IGF1R: variants seen among roughly 807,000 people sequenced by gnomAD.
IGF1R encodes the protein insulin like growth factor 1 receptor.
IGF1R carries 44 observed loss-of-function variants against 144.6 expected under a neutral mutation model. The observed-to-expected ratio is 0.30, with a 90% CI of 0.24 to 0.39. IGF1R has a LOEUF of 0.39. Among genes scored for constraint, IGF1R ranks in the 10% least tolerant of loss-of-function variants. The pLI, the probability that IGF1R is intolerant of heterozygous loss-of-function variation, is 1.00. For missense variants in IGF1R, 1,355 were observed against 1,833.7 expected (o/e 0.74, Z 4.77); for synonymous variants, 795 against 722.8 (o/e 1.10, Z -1.60).
chr15:98,841,618 G>C (rs1041332271), intron 2 of IGF1R, among the ~76,000 whole-genome samples: 3 of 152,124 alleles, frequency 2.0e-5, no homozygotes, highest in African/African-American at 7.2e-5. Flanking sequence ...ATCCTGACTG[G>C]GTACTCTGCC....
chr15:98,726,088 T>C (rs556500661), intron 2 of IGF1R, among the ~76,000 whole-genome samples: 1 of 152,218 alleles, frequency 6.6e-6, no homozygotes, highest in Non-Finnish European at 1.5e-5. Flanking sequence ...CACTGAACAA[T>C]GACTAGGTGC....
chr15:98,747,390 G>T (rs1201450119), intron 2 of IGF1R, among the ~76,000 whole-genome samples: 1 of 152,072 alleles, frequency 6.6e-6, no homozygotes, highest in African/African-American at 2.4e-5. Context: ...TAGAGACAGG[G>T]TTTCACTATG....
At chr15:98,808,565 G>A (rs375932768) in intron 2 of IGF1R, among the ~76,000 whole-genome samples, 10 of 152,260 alleles carry the variant, frequency 6.6e-5, no homozygotes, top group African/African-American at 1.9e-4. Flanking sequence ...AGGATTTTCG[G>A]TGCTGGAGCC....
At chr15:98,928,869 T>C (rs2015830144) in intron 13 of IGF1R, among the ~76,000 whole-genome samples, 1 of 152,088 alleles carries the variant, frequency 6.6e-6, no homozygotes, top group Non-Finnish European at 1.5e-5. Context: ...AGGACTCAAA[T>C]GTCTGCAGCG....
chr15:98,875,099 C>T (rs2012987588), intron 2 of IGF1R, among the ~76,000 whole-genome samples: 1 of 152,190 alleles, frequency 6.6e-6, no homozygotes, highest in Admixed American at 6.5e-5. Context: ...AGCTTCTGCC[C>T]TCTGGCCTGC....
Position 98,649,525 on chromosome 15 carries a change from CTTTTTTTTTTTTTTTT to C in IGF1R, c.-48_-33del. On this transcript the variant is annotated 5_prime_UTR_variant, in exon 1 of 21. Transcript: ENST00000650285. ...TCATTTCCTTTTTTTCTTTTCTTTT[CTTTTTTTTTTTTTTTT>C]TTTTTTTTGAGAAAGGGGAATTTCA... The C allele has an allele frequency of 1.4e-6, 1 of 723,790 alleles. No individual in the cohort carries two copies. The highest frequency in any genetic ancestry group is 2.2e-6 in the Non-Finnish European group (1 of 456,618). 44.8% of individuals were successfully genotyped at this position (723,790 alleles called of 1,614,324 possible). A position where few individuals can be genotyped will look rare whatever the true frequency, so the allele number is the denominator to read the frequency against.
chr15:98,649,801 T>A, intron 1 of IGF1R, 126 bp downstream of exon 1: 1 of 703,478 alleles, frequency 1.4e-6, no homozygotes, highest in Non-Finnish European at 2.4e-6. Context: ...AGCGGCGGGG[T>A]GGGGCGCAGG....
chr15:98,687,263 A>G (rs1454476644), intron 1 of IGF1R, among the ~76,000 whole-genome samples: 2 of 152,076 alleles, frequency 1.3e-5, no homozygotes, highest in Non-Finnish European at 2.9e-5. Flanking sequence ...AACTTAAGAG[A>G]AATGAGTGCA....
chr15:98,759,876 T>G (rs1418096117), intron 2 of IGF1R, among the ~76,000 whole-genome samples: 1 of 152,182 alleles, frequency 6.6e-6, no homozygotes, highest in East Asian at 1.9e-4. Context: ...TTTTGCTAGT[T>G]TTTAATTTCT....
At chr15:98,780,974 T>C (rs2055848621) in intron 2 of IGF1R, among the ~76,000 whole-genome samples, 1 of 152,086 alleles carries the variant, frequency 6.6e-6, no homozygotes. Context: ...AAACAAAATT[T>C]AGCCGGGAGT....
intron 2 of IGF1R, among the ~76,000 whole-genome samples, chr15:98,713,399 T>C (rs1321880205): frequency 6.6e-6 from 1 of 152,090 alleles, no homozygotes; most frequent in Non-Finnish European, 1.5e-5. Flanking sequence ...ATGCAGATGT[T>C]TACTGTGTCA....
At chr15:98,820,287 T>C (rs147459187) in intron 2 of IGF1R, among the ~76,000 whole-genome samples, 394 of 152,300 alleles carry the variant, frequency 2.6e-3, no homozygotes, top group African/African-American at 9.1e-3. Context: ...CCTACAAATA[T>C]GTTCTAAACA....
At chr15:98,804,754 A>G (rs918073951) in intron 2 of IGF1R, among the ~76,000 whole-genome samples, 2 of 152,254 alleles carry the variant, frequency 1.3e-5, no homozygotes, top group African/African-American at 2.4e-5. Flanking sequence ...CTGGAGTGCA[A>G]TTGTGCAATC....
intron 2 of IGF1R, among the ~76,000 whole-genome samples, chr15:98,833,119 T>C (rs2057031976): frequency 6.6e-6 from 1 of 152,230 alleles, no homozygotes; most frequent in Admixed American, 6.5e-5. Context: ...TGGTACCCTC[T>C]CCTGAACTTC....
intron 2 of IGF1R, among the ~76,000 whole-genome samples, chr15:98,842,649 TG>T (rs1261047292): frequency 6.6e-6 from 1 of 152,232 alleles, no homozygotes; most frequent in Non-Finnish European, 1.5e-5. Context: ...AAAACAGGCC[TG>T]GGGAAACACT....
intron 2 of IGF1R, among the ~76,000 whole-genome samples, chr15:98,813,289 A>T (rs1254588123): frequency 6.6e-6 from 1 of 152,126 alleles, no homozygotes; most frequent in East Asian, 1.9e-4. Context: ...TATGCAAAAT[A>T]ACCAATCCAA....
intron 10 of IGF1R, among the ~76,000 whole-genome samples, chr15:98,920,734 T>A (rs1348569156): frequency 2.0e-5 from 3 of 152,166 alleles, no homozygotes; most frequent in Non-Finnish European, 2.9e-5. Flanking sequence ...GGTTTTCTGC[T>A]TGTTGGAACG....
chr15:98,656,343 A>G (rs1176574832), intron 1 of IGF1R, among the ~76,000 whole-genome samples: 1 of 152,192 alleles, frequency 6.6e-6, no homozygotes, highest in African/African-American at 2.4e-5. Flanking sequence ...TGAGGTCAGA[A>G]GTTCAAGACC....
At chr15:98,931,404 T>C (rs2015935470) in intron 15 of IGF1R, among the ~76,000 whole-genome samples, 1 of 152,158 alleles carries the variant, frequency 6.6e-6, no homozygotes, top group Admixed American at 6.5e-5. Context: ...AGAAAATACT[T>C]TAATAATGTG....
Sources: gnomAD v4.1 joint callset for allele counts (sites outside exome capture counted in the v4.1 genomes callset) on GRCh38, gnomAD v4.1.1 for gene constraint, MANE v1.5 for transcripts, NCBI Gene and HGNC (gene_info 2026-07-23, HGNC 2026-07-21) for gene names.